GATAD2A: variants seen among roughly 807,000 people sequenced by gnomAD.
The protein encoded by GATAD2A is GATA zinc finger domain containing 2A.
GATAD2A carries 12 observed loss-of-function variants against 68.5 expected under a neutral mutation model. The observed-to-expected ratio is 0.18, with a 90% CI of 0.11 to 0.28. The LOEUF (loss-of-function observed/expected upper bound fraction) is 0.28, where lower values mean the gene tolerates loss of function less well. Among genes scored for constraint, GATAD2A ranks in the 10% least tolerant of loss-of-function variants. The pLI is 1.00. For synonymous variants in GATAD2A, 410 were observed against 375.3 expected (o/e 1.09, Z -1.07); for missense variants, 755 against 868.5 (o/e 0.87, Z 1.64).
At chr19:19,398,295 C>G (rs56291054) in intron 1 of GATAD2A, among the ~76,000 whole-genome samples, 23,933 of 151,508 alleles carry the variant, frequency 0.16, 1,998 homozygotes, top group Middle Eastern at 0.28. Context: ...CCTCCGCCTC[C>G]CGGGTTCAAG....
chr19:19,414,083 ATGT>A (rs1233803751), intron 1 of GATAD2A, among the ~76,000 whole-genome samples: 1 of 152,088 alleles, frequency 6.6e-6, no homozygotes, highest in African/African-American at 2.4e-5. Context: ...GGAGCCTCAG[ATGT>A]TGGTGGTAGG....
At chr19:19,416,767 T>C (rs1169775135) in intron 1 of GATAD2A, among the ~76,000 whole-genome samples, 1 of 151,840 alleles carries the variant, frequency 6.6e-6, no homozygotes, top group Non-Finnish European at 1.5e-5. Context: ...TTTTTAAACT[T>C]TTTTTTTGTT....
chr19:19,453,215 G>A (rs1370134584), intron 1 of GATAD2A, among the ~76,000 whole-genome samples: 2 of 152,192 alleles, frequency 1.3e-5, no homozygotes, highest in South Asian at 2.1e-4. Context: ...TAGGGCTTTG[G>A]TGTGATTCTC....
chr19:19,435,141 T>C (rs918887970), intron 1 of GATAD2A: 1 of 531,940 alleles, frequency 1.9e-6, no homozygotes, highest in Admixed American at 1.9e-5. Flanking sequence ...GGAACCTGCC[T>C]CTACGGTTGC....
At chr19:19,468,228 C>T (rs2058025239) in intron 2 of GATAD2A, among the ~76,000 whole-genome samples, 1 of 152,242 alleles carries the variant, frequency 6.6e-6, no homozygotes, top group Non-Finnish European at 1.5e-5. Flanking sequence ...TGTCCAGCCA[C>T]TGTCAGCTTT....
At position 19,423,324 on chromosome 19, in the gene GATAD2A, C is replaced by T. The variant is rs117393402; in HGVS notation, c.-7+17305C>T. On this transcript the variant is annotated intron_variant, in intron 1 of 11. Transcript: ENST00000683918. ...CTTGGCCTATTTCTCTCTTAATTGGCGTATGCGGTGGCGGCTGAGATTTGC... is the reference window on the plus strand; with the variant it reads ...CTTGGCCTATTTCTCTCTTAATTGGTGTATGCGGTGGCGGCTGAGATTTGC... Among the ~76,000 whole-genome samples, 53 of 152,320 alleles carry T rather than the reference C, an allele frequency of 3.5e-4. No individual in the cohort carries two copies. The East Asian group carries it at 9.4e-3, about 27-fold the overall frequency.
chr19:19,505,382 C>T lies in GATAD2A; in HGVS notation c.1813C>T (p.His605Tyr). Residue 605 changes from histidine (H) to tyrosine (Y), a missense_variant, in exon 12 of 12, where the codon CAC (histidine) becomes TAC (tyrosine). By Grantham distance (83) the His-to-Tyr change is moderately conservative. Coordinates refer to ENST00000683918, the MANE Select transcript of GATAD2A (RefSeq NM_001384528.1). The stretch of plus-strand genomic sequence containing the variant: ...GTTTGTCAGCCCAAGCCTGGCGGTG[C>T]ACAAGAGCTCCTCGGCCGTGGACCG... Reference protein sequence around the residue: ...LAFVSPSLAVHKSSSAVDRQR... With the variant: ...LAFVSPSLAVYKSSSAVDRQR... The T allele has an allele frequency of 6.2e-7, 1 of 1,613,152 alleles. No individual in the cohort carries two copies. Among genetic ancestry groups the T allele is most frequent in the Non-Finnish European group, 8.5e-7 (1 of 1,179,616 alleles).
At chr19:19,411,979 C>G (rs1018308186) in intron 1 of GATAD2A, among the ~76,000 whole-genome samples, 11 of 152,102 alleles carry the variant, frequency 7.2e-5, no homozygotes, top group African/African-American at 2.7e-4. Context: ...CAGCTCACGT[C>G]TGTAATCCTA....
chr19:19,454,224 G>A (rs1371828798), intron 1 of GATAD2A, among the ~76,000 whole-genome samples: 3 of 147,768 alleles, frequency 2.0e-5, no homozygotes, highest in South Asian at 2.2e-4. Flanking sequence ...TTGAACTCCC[G>A]ACCTCAGGTG....
In GATAD2A at chr19:19,496,156, C is replaced by T. The variant is rs45580736; in HGVS notation, c.861C>T (p.Ile287=). The part of the protein sequence containing the change: ...PSVQIQGQRI[I]QQGLIRVANV... ...TGCAGATTCAGGGACAGAGGATCAT[C>T]CAGCAGGGCCTCATCCGCGTCGCCA... Residue 287 remains isoleucine, a synonymous_variant, in exon 7 of 12, where the codon ATC becomes ATT. Transcript: ENST00000683918. The T allele has an allele frequency of 2.6e-3, 4,149 of 1,613,810 alleles. 12 individuals carry two copies. The highest frequency in any genetic ancestry group is 4.6e-3 in the Admixed American group (279 of 60,028).
intron 1 of GATAD2A, among the ~76,000 whole-genome samples, chr19:19,391,374 C>T (rs2048835929): frequency 6.6e-6 from 1 of 152,330 alleles, no homozygotes; most frequent in African/African-American, 2.4e-5. Context: ...CATATATAGA[C>T]ACACACTGAC....
chr19:19,424,939 T>G (rs2052890921), intron 1 of GATAD2A, among the ~76,000 whole-genome samples: 1 of 151,462 alleles, frequency 6.6e-6, no homozygotes, highest in East Asian at 2.0e-4. Context: ...CATAGTGAGA[T>G]CCCATCTCTA....
intron 2 of GATAD2A, among the ~76,000 whole-genome samples, chr19:19,479,433 T>C (rs545937068): frequency 5.3e-5 from 8 of 152,300 alleles, no homozygotes; most frequent in African/African-American, 1.9e-4. Context: ...ATTTCCTCAG[T>C]TTTTTCCAGC....
chr19:19,394,643 C>T (rs569219192), intron 1 of GATAD2A, among the ~76,000 whole-genome samples: 7 of 152,210 alleles, frequency 4.6e-5, no homozygotes, highest in Non-Finnish European at 8.8e-5. Context: ...GACGGGGTTT[C>T]ACTGTGTTGC....
At chr19:19,441,697 T>G (rs926934293) in intron 1 of GATAD2A, 27 of 175,764 alleles carry the variant, frequency 1.5e-4, no homozygotes, top group South Asian at 3.1e-4. Flanking sequence ...CAACAGTAGC[T>G]GGGACTACAG....
intron 8 of GATAD2A, 31 bp downstream of exon 8, chr19:19,498,753 C>A: frequency 6.4e-7 from 1 of 1,567,974 alleles, no homozygotes; most frequent in Admixed American, 1.7e-5. Context: ...CGGGCTGCTT[C>A]CGCCTCTGGC....
At chr19:19,464,067 C>T (rs555603122) in intron 1 of GATAD2A, among the ~76,000 whole-genome samples, 11 of 152,292 alleles carry the variant, frequency 7.2e-5, no homozygotes, top group South Asian at 2.1e-4. Flanking sequence ...AGCTTCCAGA[C>T]GGTCTGCCTG....
intron 11 of GATAD2A, among the ~76,000 whole-genome samples, chr19:19,503,226 G>T (rs978945642): frequency 1.3e-5 from 2 of 152,240 alleles, no homozygotes; most frequent in South Asian, 4.1e-4. Flanking sequence ...CCAAGTTAAG[G>T]AGATGGGCAC....
chr19:19,469,571 A>G (rs1033287407), intron 2 of GATAD2A, among the ~76,000 whole-genome samples: 2 of 152,216 alleles, frequency 1.3e-5, no homozygotes, highest in Non-Finnish European at 2.9e-5. Flanking sequence ...GCAAATGTCA[A>G]TCCAGCCATG....
Sources: allele counts gnomAD v4.1 joint callset (sites outside exome capture counted in the v4.1 genomes callset), GRCh38; gene constraint gnomAD v4.1.1; transcripts MANE v1.5; gene names NCBI Gene and HGNC (gene_info 2026-07-23, HGNC 2026-07-21).